Variants in YTHDC1 observed in about 807,000 individuals in gnomAD.
YTHDC1 encodes YTH N6-methyladenosine RNA binding protein C1.
Under a neutral mutation model 107.0 loss-of-function variants are expected in YTHDC1, and 12 were observed. The observed-to-expected ratio is 0.11, with a 90% confidence interval of 0.07 to 0.18. The LOEUF (loss-of-function observed/expected upper bound fraction) is 0.18. Ranked by LOEUF, YTHDC1 falls within the 10% of genes least tolerant of loss-of-function variation. The pLI is 1.00. For synonymous variants in YTHDC1, 280 were observed against 289.5 expected, an observed-to-expected ratio of 0.97 and a Z score of 0.33; for missense variants, 635 against 898.8, an observed-to-expected ratio of 0.71 and a Z score of 3.75.
chr4:68,314,391 G>T, intron 16 of YTHDC1, 68 bp from the exon 17 acceptor site: 3 of 1,336,022 alleles, frequency 2.2e-6, no homozygotes, highest in Non-Finnish European at 3.0e-6. Flanking sequence ...TCCCTGATTT[G>T]AAAAAAAAAT....
chr4:68,337,540 T>C, intron 3 of YTHDC1, 32 bp downstream of exon 3: 1 of 1,584,192 alleles, frequency 6.3e-7, no homozygotes, highest in South Asian at 1.2e-5. Context: ...AAGAATGGCT[T>C]TCTGTTTTAT....
chr4:68,318,806 C>T lies in YTHDC1; in HGVS notation c.1721+20G>A. On this transcript the variant is annotated intron_variant, in intron 13 of 16. Transcript: ENST00000344157. ...TCCAAGAATGTAATTCAAAACTAGG[C>T]AAGAGTGAACCCGACTTACCTGTCC... The T allele has an allele frequency of 6.2e-7, 1 of 1,614,082 alleles. No homozygotes were observed. Among genetic ancestry groups the T allele is most frequent in the Non-Finnish European group, 8.5e-7 (1 of 1,179,968 alleles).
chr4:68,326,702 T>C (rs1277722798), intron 9 of YTHDC1, among the ~76,000 whole-genome samples: 1 of 151,972 alleles, frequency 6.6e-6, no homozygotes, highest in African/African-American at 2.4e-5. Context: ...GGGATTCTCA[T>C]GCCTCAGCCT....
At chr4:68,338,487 C>A in intron 1 of YTHDC1, 103 bp from the exon 2 acceptor site, 1 of 703,522 alleles carries the variant, frequency 1.4e-6, no homozygotes. Flanking sequence ...GGAGCTTTTA[C>A]TTTTATATAA....
intron 15 of YTHDC1, 28 bp downstream of exon 15, chr4:68,318,491 T>TA (rs1466978374): frequency 6.4e-7 from 1 of 1,571,836 alleles, no homozygotes; most frequent in African/African-American, 1.4e-5. Context: ...TTAAGTTATG[T>TA]AACTTATAAA....
chr4:68,317,976 C>T lies in YTHDC1; in HGVS notation c.1824+543G>A, dbSNP rs1267777933. ...AGAAATATATCTGAACCCAAGCGGA[C>T]TTTGCACTACTAATTACTACCATAA... On this transcript the variant is annotated intron_variant, in intron 15 of 16. Coordinates refer to ENST00000344157, the MANE Select transcript of YTHDC1 (RefSeq NM_001031732.4). Among the ~76,000 whole-genome samples the T allele has an allele frequency of 2.6e-5, 4 of 152,334 alleles. No homozygotes were observed. In the East Asian group the frequency reaches 5.8e-4, roughly 22 times the overall value.
Position 68,338,388 on chromosome 4 carries a change from C to G in YTHDC1, c.29-4G>C. 6.3e-7 allele frequency: 1 copy of G among 1,575,988 alleles called. No individual in the cohort carries two copies. The highest frequency in any genetic ancestry group is 8.6e-7 in the Non-Finnish European group (1 of 1,163,098). On this transcript the variant is annotated splice_polypyrimidine_tract_variant and splice_region_variant and intron_variant, in intron 1 of 16. Coordinates refer to ENST00000344157, the MANE Select transcript of YTHDC1 (RefSeq NM_001031732.4). ...TCCAGAACATTAAGTTCTCCATCTG[C>G]AAATAAAATTAAAAATTAATAGGGA...
chr4:68,341,768 T>C (rs1029828631), intron 1 of YTHDC1, among the ~76,000 whole-genome samples: 6 of 152,164 alleles, frequency 3.9e-5, no homozygotes, highest in African/African-American at 1.2e-4. Flanking sequence ...GGGAAAAGTC[T>C]TGGAGGTTAA....
intron 4 of YTHDC1, among the ~76,000 whole-genome samples, chr4:68,335,490 G>A (rs1437107633): frequency 6.6e-6 from 1 of 151,998 alleles, no homozygotes; most frequent in Non-Finnish European, 1.5e-5. Flanking sequence ...AACAAAGTGT[G>A]TCAATCAAGT....
Position 68,350,028 on chromosome 4 carries a change from G to T in YTHDC1, c.-275C>A. 1.8e-6 allele frequency: 1 copy of T among 552,600 alleles called. No homozygotes were observed. The highest frequency in any genetic ancestry group is 3.2e-6 in the Non-Finnish European group (1 of 311,358). 34.2% of individuals were successfully genotyped at this position (552,600 alleles called of 1,614,324 possible). ...ATGGGGGAGGGAAGGGAAACAGATGGCGACGGCGGGCGGCGCTAAAATGGA... is the reference window on the plus strand; with the variant it reads ...ATGGGGGAGGGAAGGGAAACAGATGTCGACGGCGGGCGGCGCTAAAATGGA... On this transcript the variant is annotated 5_prime_UTR_variant, in exon 1 of 17. Coordinates refer to ENST00000344157, the MANE Select transcript of YTHDC1 (RefSeq NM_001031732.4).
At chr4:68,325,139 T>C (rs1397488053) in intron 9 of YTHDC1, among the ~76,000 whole-genome samples, 5 of 152,212 alleles carry the variant, frequency 3.3e-5, no homozygotes, top group African/African-American at 1.2e-4. Flanking sequence ...ATGAAACTGT[T>C]CAGCCAAAGT....
intron 12 of YTHDC1, among the ~76,000 whole-genome samples, chr4:68,319,579 A>C (rs186229481): frequency 3.9e-5 from 6 of 152,266 alleles, no homozygotes; most frequent in Non-Finnish European, 7.4e-5. Context: ...AAGTTTCACA[A>C]GTGTATCACT....
intron 1 of YTHDC1, among the ~76,000 whole-genome samples, chr4:68,343,494 G>A (rs1725077792): frequency 7.0e-6 from 1 of 142,444 alleles, no homozygotes; most frequent in Non-Finnish European, 1.5e-5. Context: ...GAGCCACCGT[G>A]CCCGGCCTTA....
intron 10 of YTHDC1, among the ~76,000 whole-genome samples, chr4:68,323,445 T>C (rs1012046707): frequency 6.6e-6 from 1 of 152,146 alleles, no homozygotes; most frequent in African/African-American, 2.4e-5. Flanking sequence ...TACTTTTGCA[T>C]GGCCAGGCAT....
intron 1 of YTHDC1, among the ~76,000 whole-genome samples, chr4:68,346,783 C>T (rs1725491696): frequency 6.6e-6 from 1 of 152,044 alleles, no homozygotes; most frequent in Non-Finnish European, 1.5e-5. Flanking sequence ...GACTGTTCTA[C>T]TTTATTATTG....
chr4:68,329,537 C>T (rs1219457161), intron 9 of YTHDC1, among the ~76,000 whole-genome samples: 1 of 152,114 alleles, frequency 6.6e-6, no homozygotes, highest in East Asian at 1.9e-4. Flanking sequence ...ATAGTGACAA[C>T]TCAGTGTTCA....
chr4:68,326,265 A>T (rs1437026863), intron 9 of YTHDC1, among the ~76,000 whole-genome samples: 1 of 152,198 alleles, frequency 6.6e-6, no homozygotes, highest in East Asian at 1.9e-4. Flanking sequence ...TTCCAACTAG[A>T]TTCAAGAGAC....
intron 10 of YTHDC1, among the ~76,000 whole-genome samples, chr4:68,323,522 G>A (rs1722659647): frequency 6.6e-6 from 1 of 152,148 alleles, no homozygotes; most frequent in African/African-American, 2.4e-5. Flanking sequence ...GAGGCCAGGA[G>A]TTTGAGACCA....
At chr4:68,340,790 G>A (rs922563306) in intron 1 of YTHDC1, among the ~76,000 whole-genome samples, 12 of 151,710 alleles carry the variant, frequency 7.9e-5, no homozygotes, top group Admixed American at 2.0e-4. Context: ...TATCATCCCC[G>A]AACCCTGAAC....
Sources: allele counts gnomAD v4.1 joint callset (sites outside exome capture counted in the v4.1 genomes callset), GRCh38; gene constraint gnomAD v4.1.1; transcripts MANE v1.5; gene names NCBI Gene and HGNC (gene_info 2026-07-23, HGNC 2026-07-21).